AP1S3: variants seen among roughly 807,000 people sequenced by gnomAD.
AP1S3 encodes the protein AP-1 complex subunit sigma-3.
AP1S3 carries 10 observed loss-of-function variants against 20.9 expected under a neutral mutation model. The observed-to-expected ratio is 0.48, with a 90% CI of 0.29 to 0.81. AP1S3 has a LOEUF of 0.81. Ranked by LOEUF, AP1S3 falls within the 30% of genes least tolerant of loss-of-function variation. AP1S3 has a pLI of 0.08. For synonymous variants in AP1S3, 41 were observed against 61.5 expected (o/e 0.67, Z 1.56); for missense variants, 154 against 183.8 (o/e 0.84, Z 0.94).
chr2:223,834,800 A>G (rs1311819060), intron 1 of AP1S3, among the ~76,000 whole-genome samples: 2 of 152,130 alleles, frequency 1.3e-5, no homozygotes, highest in Non-Finnish European at 2.9e-5. Context: ...CCTATTACAC[A>G]TTAAACATAA....
At chr2:223,766,506 T>C (rs1323744776) in intron 3 of AP1S3, among the ~76,000 whole-genome samples, 7 of 152,236 alleles carry the variant, frequency 4.6e-5, no homozygotes. Context: ...TACAATGAGA[T>C]ACCATCTCAT....
At chr2:223,760,984 G>A (rs979879536) in intron 4 of AP1S3, among the ~76,000 whole-genome samples, 5 of 152,104 alleles carry the variant, frequency 3.3e-5, no homozygotes, top group Non-Finnish European at 7.4e-5. Context: ...TGGTTCAGTG[G>A]CCTCTAGTCA....
At position 223,756,836 on chromosome 2, in the gene AP1S3, C is replaced by A; in HGVS notation, c.*1879G>T. On this transcript the variant is annotated 3_prime_UTR_variant, in exon 5 of 5. Coordinates refer to ENST00000396654, the MANE Select transcript of AP1S3 (RefSeq NM_001039569.2). ...TACCAGATGGGATCTCCTAAAGAATCCAACAGGAAACACACTCTTCTAGGA... is the reference window on the plus strand; with the variant it reads ...TACCAGATGGGATCTCCTAAAGAATACAACAGGAAACACACTCTTCTAGGA... The A allele has an allele frequency of 8.1e-6, 8 of 985,288 alleles. No individual in the cohort carries two copies. Among genetic ancestry groups the A allele is most frequent in the Non-Finnish European group, 9.6e-6 (8 of 829,906 alleles). 61.0% of individuals were successfully genotyped at this position (985,288 alleles called of 1,614,324 possible).
intron 1 of AP1S3, among the ~76,000 whole-genome samples, chr2:223,789,133 T>C (rs868191739): frequency 1.8e-5 from 2 of 108,804 alleles, no homozygotes; most frequent in Non-Finnish European, 1.9e-5. Flanking sequence ...AAAGAACAAA[T>C]AGGAAAAAAA....
In AP1S3 at chr2:223,772,390, A is replaced by C. The variant is rs12470946; in HGVS notation, c.291+3511T>G. On this transcript the variant is annotated intron_variant, in intron 3 of 4. Coordinates refer to ENST00000396654, the MANE Select transcript of AP1S3 (RefSeq NM_001039569.2). ...TAGTGCTCTTCCCCTGACAGCAAAA[A>C]ACAAACAAACAAAAAACTCCCTACA... Among the ~76,000 whole-genome samples the C allele has an allele frequency of 7.8e-3, 1,190 of 152,266 alleles. 5 individuals carry two copies. Among genetic ancestry groups the C allele is most frequent in the Non-Finnish European group, 0.014 (927 of 68,018 alleles).
At chr2:223,803,091 T>A (rs73088106) in intron 1 of AP1S3, among the ~76,000 whole-genome samples, 1 of 152,214 alleles carries the variant, frequency 6.6e-6, no homozygotes, top group Admixed American at 6.5e-5. Flanking sequence ...TTTATGATGT[T>A]ATCAGATGTA....
chr2:223,818,166 C>T (rs1477624805), intron 1 of AP1S3, among the ~76,000 whole-genome samples: 1 of 152,178 alleles, frequency 6.6e-6, no homozygotes, highest in Non-Finnish European at 1.5e-5. Flanking sequence ...CTTGTAATCA[C>T]AGCACTTTTG....
chr2:223,833,882 TTTTATTTATTTA>T lies in AP1S3; in HGVS notation c.3+3554_3+3565del, dbSNP rs71408596. Among the ~76,000 whole-genome samples the T allele has an allele frequency of 1.6e-3, 229 of 146,032 alleles. 1 individual carries two copies. The highest frequency in any genetic ancestry group is 4.2e-3 in the African/African-American group (168 of 39,576). ...AACTTTTTGGATGCCTTTACACTCT[TTTTATTTATTTA>T]TTTATTTATTTATTTATTTATTTAT... On this transcript the variant is annotated intron_variant, in intron 1 of 4. Coordinates refer to ENST00000396654, the MANE Select transcript of AP1S3 (RefSeq NM_001039569.2).
At chr2:223,836,732 A>G (rs1692409488) in intron 1 of AP1S3, among the ~76,000 whole-genome samples, 1 of 152,194 alleles carries the variant, frequency 6.6e-6, no homozygotes, top group African/African-American at 2.4e-5. Flanking sequence ...AGTCTCAAAA[A>G]AACAAAAGTG....
chr2:223,831,653 G>A (rs774417884), intron 1 of AP1S3, among the ~76,000 whole-genome samples: 6 of 152,194 alleles, frequency 3.9e-5, no homozygotes, highest in Non-Finnish European at 2.9e-5. Flanking sequence ...CTCTGAGAGA[G>A]AAAAAGACAG....
At chr2:223,773,381 A>C in intron 3 of AP1S3, 1 of 1,301,844 alleles carries the variant, frequency 7.7e-7, no homozygotes, top group Non-Finnish European at 1.0e-6. Flanking sequence ...AAAGTACAAA[A>C]ATGTGAGAAT....
chr2:223,759,867 G>A (rs1690310628), intron 4 of AP1S3, among the ~76,000 whole-genome samples: 1 of 152,076 alleles, frequency 6.6e-6, no homozygotes. Context: ...AGAACATGTG[G>A]CATTTGGTTT....
chr2:223,832,411 G>A (rs1008724629), intron 1 of AP1S3, among the ~76,000 whole-genome samples: 1 of 152,074 alleles, frequency 6.6e-6, no homozygotes, highest in Admixed American at 6.6e-5. Flanking sequence ...ATCCTGGTGA[G>A]GAGTAAATAC....
chr2:223,776,516 A>G, intron 2 of AP1S3, among the ~76,000 whole-genome samples: 1 of 150,662 alleles, frequency 6.6e-6, no homozygotes, highest in African/African-American at 2.5e-5. Flanking sequence ...ATTGAATATC[A>G]ATCTGTGAAG....
At chr2:223,759,698 CA>C (rs1448106111) in intron 4 of AP1S3, among the ~76,000 whole-genome samples, 1 of 152,118 alleles carries the variant, frequency 6.6e-6, no homozygotes, top group African/African-American at 2.4e-5. Flanking sequence ...ATTTGTTATA[CA>C]GATGATTTCA....
chr2:223,819,405 G>C (rs899034358), intron 1 of AP1S3, among the ~76,000 whole-genome samples: 2 of 152,116 alleles, frequency 1.3e-5, no homozygotes, highest in Admixed American at 6.6e-5. Flanking sequence ...CACTCTGTTT[G>C]CTCACTTCTT....
chr2:223,790,514 G>C (rs187686339), intron 1 of AP1S3, among the ~76,000 whole-genome samples: 34 of 152,070 alleles, frequency 2.2e-4, no homozygotes, highest in Non-Finnish European at 8.8e-5. Context: ...GATTACAGGC[G>C]TGAGCCACTG....
chr2:223,806,445 G>A (rs1430190247), intron 1 of AP1S3, among the ~76,000 whole-genome samples: 3 of 151,436 alleles, frequency 2.0e-5, no homozygotes, highest in East Asian at 1.9e-4. Flanking sequence ...CACCACGCCC[G>A]GCTAATTTTT....
intron 1 of AP1S3, among the ~76,000 whole-genome samples, chr2:223,835,515 C>T (rs952820162): frequency 1.3e-5 from 2 of 152,142 alleles, no homozygotes; most frequent in African/African-American, 2.4e-5. Context: ...ATTAGCTAGG[C>T]GTGGTGGCGG....
Sources: allele counts gnomAD v4.1 joint callset (sites outside exome capture counted in the v4.1 genomes callset), GRCh38; gene constraint gnomAD v4.1.1; transcripts MANE v1.5; gene names NCBI Gene and HGNC (gene_info 2026-07-23, HGNC 2026-07-21).